RNF215: variants seen among roughly 807,000 people sequenced by gnomAD.
RNF215 encodes the protein ring finger protein 215.
Under a neutral mutation model 44.8 loss-of-function variants are expected in RNF215, and 41 were observed. The observed-to-expected ratio is 0.92, with a 90% CI of 0.71 to 1.19. RNF215 has a LOEUF of 1.19. Among genes scored for constraint, RNF215 ranks in the 50% most tolerant of loss-of-function variants. RNF215 has a pLI of 0.00. For synonymous variants in RNF215, 218 were observed against 230.1 expected (o/e 0.95, Z 0.48); for missense variants, 452 against 496.2 (o/e 0.91, Z 0.85).
rs768820916 is a variant in RNF215, at chr22:30,380,172, G to C, written c.898C>G (p.Leu300Val). The C allele has an allele frequency of 6.8e-6, 11 of 1,613,892 alleles. No individual in the cohort carries two copies. The highest frequency in any genetic ancestry group is 1.1e-5 in the South Asian group (1 of 91,074). ...DLFKRRVVRR[L>V]ASLKTRRCRL... ...CAGCGCCGTGTCTTGAGGGATGCCAGTCTCCGCACCACGCGGCGCTTAAAC... is the reference window on the plus strand; with the variant it reads ...CAGCGCCGTGTCTTGAGGGATGCCACTCTCCGCACCACGCGGCGCTTAAAC... The change falls in exon 7 of 9, where the codon CTG (leucine) becomes GTG (valine). Residue 300 changes from leucine (L) to valine (V), a missense_variant. Transcript: ENST00000382363. The surrounding 1 kb of genome is among the most constrained non-coding windows in gnomAD (Gnocchi z 5.3).
chr22:30,380,616 C>A lies in RNF215; in HGVS notation c.745-215G>T, dbSNP rs566535531. ...CTGCCCTACACGTCTTCCCATCCAG[C>A]TCCAAGGAGAGCCACATCCATTCCC... is the stretch of plus-strand genomic sequence containing the variant. On this transcript the variant is annotated intron_variant, in intron 5 of 8. Coordinates refer to ENST00000382363, the MANE Select transcript of RNF215 (RefSeq NM_001017981.2). This position sits in a 1 kb window ranked among gnomAD's most constrained non-coding sequence, Gnocchi z 5.3. Among the ~76,000 whole-genome samples the A allele has an allele frequency of 3.3e-5, 5 of 152,272 alleles. No homozygotes were observed. Among genetic ancestry groups the A allele is most frequent in the Admixed American group, 3.3e-4 (5 of 15,304 alleles).
chr22:30,383,382 C>G (rs1438168879), intron 5 of RNF215, among the ~76,000 whole-genome samples: 2 of 152,194 alleles, frequency 1.3e-5, no homozygotes, highest in African/African-American at 4.8e-5. Flanking sequence ...GTCCAGAGGC[C>G]TGTGTGGGCC....
At chr22:30,385,421 CAAAAA>C (rs917390932) in intron 4 of RNF215, among the ~76,000 whole-genome samples, 1 of 53,010 alleles carries the variant, frequency 1.9e-5, no homozygotes. Flanking sequence ...AACTCCATCT[CAAAAA>C]AAAAAAAAAA....
Position 30,379,779 on chromosome 22 carries a change from T to C in RNF215, c.1043A>G (p.His348Arg), listed in dbSNP as rs1933496562. Residue 348 changes from histidine to arginine, a missense_variant, in exon 8 of 9, where the codon CAC (histidine) becomes CGC (arginine). His to Arg is a conservative substitution (Grantham distance 29). Transcript: ENST00000382363. ...LRVLPCKHEF[H>R]RDCVDPWLML... ...CAGCCAGGGGTCCACACAGTCTCGG[T>C]GAAACTCGTGCTTACAGGGCAGCAC... 6 of 1,569,718 alleles carry C rather than the reference T, an allele frequency of 3.8e-6. No individual in the cohort carries two copies. The highest frequency in any genetic ancestry group is 5.2e-6 in the Non-Finnish European group (6 of 1,158,732).
At chr22:30,384,793 A>T (rs1601759489) in intron 4 of RNF215, 2 of 292,736 alleles carry the variant, frequency 6.8e-6, no homozygotes, top group Non-Finnish European at 6.3e-6. Context: ...CCCATTTTTC[A>T]GCCTGGGACA....
intron 5 of RNF215, among the ~76,000 whole-genome samples, chr22:30,384,022 G>A (rs913042412): frequency 1.3e-5 from 2 of 152,204 alleles, no homozygotes; most frequent in African/African-American, 4.8e-5. Flanking sequence ...TAGAAAAATA[G>A]AGTGAGTGAG....
Position 30,379,436 on chromosome 22 carries a change from T to G in RNF215, c.*164A>C. The G allele has an allele frequency of 1.2e-6, 1 of 800,158 alleles. No homozygotes were observed. 49.6% of individuals were successfully genotyped at this position (800,158 alleles called of 1,614,324 possible). ...TCAGTCTGAAGCTGTGGGGCCCTCC[T>G]TCCCAGTGTGGACATGGTGGGGCCC... On this transcript the variant is annotated 3_prime_UTR_variant, in exon 9 of 9. Coordinates refer to ENST00000382363, the MANE Select transcript of RNF215 (RefSeq NM_001017981.2).
intron 2 of RNF215, among the ~76,000 whole-genome samples, 188 bp downstream of exon 2, chr22:30,386,428 C>T (rs1156309377): frequency 6.6e-6 from 1 of 152,206 alleles, no homozygotes; most frequent in East Asian, 1.9e-4. Flanking sequence ...CTCAACCTCT[C>T]TCTGGCCTCC....
chr22:30,387,320 A>C lies in RNF215; in HGVS notation c.-7T>G. The C allele has an allele frequency of 9.4e-7, 1 of 1,058,506 alleles. No individual in the cohort carries two copies. The highest frequency in any genetic ancestry group is 1.1e-6 in the Non-Finnish European group (1 of 879,166). The allele number at this position is 1,058,506 out of a possible 1,614,324, so 65.6% of individuals were successfully genotyped here. A position where few individuals can be genotyped will look rare whatever the true frequency, so the allele number is the denominator to read the frequency against. ...GGCGAGCGGCGGGGCCCATGGCCGG[A>C]CCCGGCGAGCTGGCCCAACAGTGGG... On this transcript the variant is annotated 5_prime_UTR_variant, in exon 1 of 9. Coordinates refer to ENST00000382363, the MANE Select transcript of RNF215 (RefSeq NM_001017981.2).
chr22:30,387,204 G>A lies in RNF215; in HGVS notation c.110C>T (p.Ala37Val), dbSNP rs1471190139. 9.9e-7 allele frequency: 1 copy of A among 1,013,132 alleles called. No individual in the cohort carries two copies. The highest frequency in any genetic ancestry group is 4.5e-5 in the South Asian group (1 of 22,260). The allele number at this position is 1,013,132 out of a possible 1,614,324, so 62.8% of individuals were successfully genotyped here. ...LPLLPLWLGL[A>V]GPGAAADGSE... ...GCCGTCCGCCGCGGCCCCGGGCCCC[G>A]CCAGGCCCAGCCACAGCGGCAGCAG... The change falls in exon 1 of 9, where the codon GCG becomes GTG. Residue 37 changes from alanine (A) to valine (V), a missense_variant. Coordinates refer to ENST00000382363, the MANE Select transcript of RNF215 (RefSeq NM_001017981.2).
At chr22:30,383,895 G>A (rs137882424) in intron 5 of RNF215, among the ~76,000 whole-genome samples, 81 of 152,250 alleles carry the variant, frequency 5.3e-4, no homozygotes, top group Non-Finnish European at 1.0e-3. Flanking sequence ...AGACTAGGAC[G>A]TGTGGACACA....
intron 5 of RNF215, among the ~76,000 whole-genome samples, chr22:30,383,147 G>A (rs979622810): frequency 6.6e-6 from 1 of 152,134 alleles, no homozygotes; most frequent in Non-Finnish European, 1.5e-5. Flanking sequence ...GGGCCCTGGG[G>A]TCAGGACTGA....
In RNF215 at chr22:30,379,289, T is replaced by C. The variant is rs1235265110; in HGVS notation, c.*311A>G. On this transcript the variant is annotated 3_prime_UTR_variant, in exon 9 of 9. Transcript: ENST00000382363. ...CCTGGCGACAGCTACACTGGCCCCA[T>C]ATTCTCTTTCCTTATTGACCTGGGA... 4.9e-5 allele frequency: 21 copies of C among 430,796 alleles called. No homozygotes were observed. Among genetic ancestry groups the C allele is most frequent in the South Asian group, 3.4e-4 (13 of 38,260 alleles). The allele number at this position is 430,796 out of a possible 1,614,324, so 26.7% of individuals were successfully genotyped here.
chr22:30,380,194 A>C lies in RNF215; in HGVS notation c.876T>G (p.Phe292Leu). 1 of 1,613,756 alleles carries C rather than the reference A, an allele frequency of 6.2e-7. No homozygotes were observed. The highest frequency in any genetic ancestry group is 2.2e-5 in the East Asian group (1 of 44,860). Residue 292 changes from phenylalanine (F) to leucine (L), a missense_variant, in exon 7 of 9, where the codon TTT becomes TTG. Transcript: ENST00000382363. This position sits in a 1 kb window ranked among gnomAD's most constrained non-coding sequence, Gnocchi z 5.3. Reference protein sequence around the residue: ...QRELGGQVDLFKRRVVRRLAS... With the variant: ...QRELGGQVDLLKRRVVRRLAS... Reference sequence around the variant, plus strand: ...CCAGTCTCCGCACCACGCGGCGCTTAAACAGGTCCACCTGTGGGGAGAGGA... The same window carrying C: ...CCAGTCTCCGCACCACGCGGCGCTTCAACAGGTCCACCTGTGGGGAGAGGA...
intron 2 of RNF215, 98 bp from the exon 3 acceptor site, chr22:30,386,239 G>A (rs56094301): frequency 0.079 from 93,028 of 1,179,572 alleles, 4,335 homozygotes; most frequent in Middle Eastern, 0.11. Context: ...TGGCCCTGCA[G>A]TGAGCAAAAC....
chr22:30,386,895 C>T (rs1186617562), intron 1 of RNF215, 134 bp downstream of exon 1: 1 of 1,471,890 alleles, frequency 6.8e-7, no homozygotes, highest in Non-Finnish European at 9.0e-7. Context: ...ATGCTGGGGG[C>T]CTGGGGAGCC....
At position 30,379,551 on chromosome 22, in the gene RNF215, G is replaced by C; in HGVS notation, c.*49C>G. 2 of 1,545,668 alleles carry C rather than the reference G, an allele frequency of 1.3e-6. No homozygotes were observed. Among genetic ancestry groups the C allele is most frequent in the South Asian group, 1.2e-5 (1 of 83,922 alleles). On this transcript the variant is annotated 3_prime_UTR_variant, in exon 9 of 9. Coordinates refer to ENST00000382363, the MANE Select transcript of RNF215 (RefSeq NM_001017981.2). Reference sequence around the variant, plus strand: ...CCTGGGAGCCCAGGCTGAGGACCGGGGTGCAGGCAGGAAGGGTCCATCCCC... The same window carrying C: ...CCTGGGAGCCCAGGCTGAGGACCGGCGTGCAGGCAGGAAGGGTCCATCCCC...
chr22:30,381,379 C>A (rs1362566647), intron 5 of RNF215, among the ~76,000 whole-genome samples: 2 of 152,140 alleles, frequency 1.3e-5, no homozygotes, highest in African/African-American at 4.8e-5. Context: ...GCCTGGGGGC[C>A]CCGGGCCCCT....
At chr22:30,384,122 C>T (rs181382261) in intron 5 of RNF215, among the ~76,000 whole-genome samples, 1 of 152,290 alleles carries the variant, frequency 6.6e-6, no homozygotes, top group East Asian at 1.9e-4. Flanking sequence ...AACATGAGGA[C>T]GGCAGCTAAC....
Sources: gnomAD v4.1 joint callset for allele counts (sites outside exome capture counted in the v4.1 genomes callset) on GRCh38, gnomAD v4.1.1 for gene constraint, Gnocchi (gnomAD v3.1) non-coding constraint, MANE v1.5 for transcripts, NCBI Gene and HGNC (gene_info 2026-07-23, HGNC 2026-07-21) for gene names.